INPP5A: variants seen among roughly 807,000 people sequenced by gnomAD.
INPP5A encodes 43 kDa inositol polyphosphate 5-phophatase.
Under a neutral mutation model 65.2 loss-of-function variants are expected in INPP5A, and 14 were observed. The ratio of observed to expected loss-of-function variants is 0.21; its 90% CI spans 0.14 to 0.34. INPP5A has a LOEUF of 0.34. INPP5A is among the 10% of genes least tolerant of loss of function. The probability of loss-of-function intolerance (pLI) is 1.00; values close to 1 mark genes in which losing one functional copy is unlikely to be tolerated. For missense variants in INPP5A, 431 were observed against 545.6 expected (o/e 0.79, Z 2.09); for synonymous variants, 207 against 208.3 (o/e 0.99, Z 0.05).
At chr10:132,736,823 C>A (rs1245243453) in intron 9 of INPP5A, among the ~76,000 whole-genome samples, 1 of 152,258 alleles carries the variant, frequency 6.6e-6, no homozygotes, top group Non-Finnish European at 1.5e-5. Flanking sequence ...CCCCCACAGC[C>A]CCACAGACTC....
In INPP5A at chr10:132,607,923, C is replaced by T. The variant is rs755654794; in HGVS notation, c.84C>T (p.Asn28=). 14 of 1,610,574 alleles carry T rather than the reference C, an allele frequency of 8.7e-6. No homozygotes were observed. In the East Asian group the frequency reaches 3.1e-4, roughly 36 times the overall value. Residue 28 remains asparagine, a synonymous_variant, in exon 2 of 16, where the codon AAC becomes AAT. Coordinates refer to ENST00000368594, the MANE Select transcript of INPP5A (RefSeq NM_005539.5). ...TTCTTCTTAATTTACAGCCAGAAAA[C>T]CTGCAGAAGAACTGGCTTCGGGAAT... The part of the protein sequence containing the change: ...NVGSLFDDPE[N]LQKNWLREFY...
intron 3 of INPP5A, among the ~76,000 whole-genome samples, chr10:132,646,885 A>G (rs539605141): frequency 6.6e-6 from 1 of 152,226 alleles, no homozygotes; most frequent in East Asian, 1.9e-4. Context: ...CGATGCAGCC[A>G]CCCGGAGTCG....
In INPP5A at chr10:132,587,484, C is replaced by T. The variant is rs2071559367; in HGVS notation, c.76-20431C>T. On this transcript the variant is annotated intron_variant, in intron 1 of 15. Coordinates refer to ENST00000368594, the MANE Select transcript of INPP5A (RefSeq NM_005539.5). The surrounding 1 kb of genome is among the most constrained non-coding windows in gnomAD (Gnocchi z 4.3). ...TGACGGGGAAAGGATGCGGCCATAC[C>T]AGACGGAACCTTTGTCCACAGGGTC... Among the ~76,000 whole-genome samples, 1 of 152,192 alleles carries T rather than the reference C, an allele frequency of 6.6e-6. No homozygotes were observed. The highest frequency in any genetic ancestry group is 1.5e-5 in the Non-Finnish European group (1 of 68,032).
At chr10:132,680,931 C>T (rs2073034602) in intron 4 of INPP5A, among the ~76,000 whole-genome samples, 1 of 152,236 alleles carries the variant, frequency 6.6e-6, no homozygotes, top group Non-Finnish European at 1.5e-5. Flanking sequence ...GCCTGAGCCT[C>T]CCACCCGCTC....
At chr10:132,579,918 G>GT (rs35846779) in intron 1 of INPP5A, among the ~76,000 whole-genome samples, 62,695 of 141,602 alleles carry the variant, frequency 0.44, 14,056 homozygotes, top group East Asian at 0.53. Flanking sequence ...CTGTTTAAAA[G>GT]TTTTTTTTTT....
In INPP5A at chr10:132,771,567, C is replaced by T. The variant is rs186391631; in HGVS notation, c.977+5721C>T. On this transcript the variant is annotated intron_variant, in intron 12 of 15. Transcript: ENST00000368594. ...CCCACAGGGGGCCACACGCCAACTC[C>T]AGAACTGCCCAAAACTTGGAAGTAT... Among the ~76,000 whole-genome samples the T allele has an allele frequency of 2.4e-3, 371 of 152,402 alleles. 2 individuals carry two copies. Among genetic ancestry groups the T allele is most frequent in the African/African-American group, 8.5e-3 (352 of 41,598 alleles).
intron 8 of INPP5A, among the ~76,000 whole-genome samples, chr10:132,723,792 A>G (rs996019672): frequency 5.3e-5 from 8 of 151,922 alleles, no homozygotes; most frequent in African/African-American, 1.9e-4. Flanking sequence ...CTCCCTCGGG[A>G]GCCTCTGTGC....
intron 8 of INPP5A, among the ~76,000 whole-genome samples, chr10:132,719,868 G>T (rs1378633164): frequency 4.0e-5 from 6 of 150,398 alleles, no homozygotes; most frequent in African/African-American, 1.5e-4. Context: ...GGTTCTGTCT[G>T]GGCGCCTTAG....
At chr10:132,662,408 G>A (rs2072748544) in intron 4 of INPP5A, among the ~76,000 whole-genome samples, 1 of 152,232 alleles carries the variant, frequency 6.6e-6, no homozygotes, top group Admixed American at 6.5e-5. Context: ...CAGCAGGTGA[G>A]TGGGAACAGG....
chr10:132,659,980 C>G lies in INPP5A; in HGVS notation c.306+9475C>G, dbSNP rs922846368. ...ACTCCCTGTGACATGGCACATGACA[C>G]GTGACACAACACATTCTCATGCTCC... is the stretch of plus-strand genomic sequence containing the variant. On this transcript the variant is annotated intron_variant, in intron 4 of 15. Transcript: ENST00000368594. This position sits in a 1 kb window ranked among gnomAD's most constrained non-coding sequence, Gnocchi z 5.5. Among the ~76,000 whole-genome samples, 2 of 152,266 alleles carry G rather than the reference C, an allele frequency of 1.3e-5. No homozygotes were observed. The highest frequency in any genetic ancestry group is 2.9e-5 in the Non-Finnish European group (2 of 68,042).
intron 8 of INPP5A, among the ~76,000 whole-genome samples, chr10:132,726,480 G>A (rs574480086): frequency 2.6e-5 from 4 of 152,254 alleles, no homozygotes; most frequent in South Asian, 2.1e-4. Context: ...GCCCTTTCCC[G>A]TTCTCGGGGC....
At chr10:132,543,686 G>C (rs1315882193) in intron 1 of INPP5A, among the ~76,000 whole-genome samples, 1 of 152,254 alleles carries the variant, frequency 6.6e-6, no homozygotes, top group Admixed American at 6.5e-5. Flanking sequence ...CCAAAGTGCT[G>C]GGCTTACAGG....
chr10:132,701,971 C>T (rs1235288431), intron 6 of INPP5A, among the ~76,000 whole-genome samples: 1 of 152,238 alleles, frequency 6.6e-6, no homozygotes, highest in Non-Finnish European at 1.5e-5. Context: ...GTGCATGGGA[C>T]GCCCTCTGTG....
In INPP5A at chr10:132,659,217, C is replaced by T. The variant is rs939847129; in HGVS notation, c.306+8712C>T. Among the ~76,000 whole-genome samples, 1 of 152,208 alleles carries T rather than the reference C, an allele frequency of 6.6e-6. No homozygotes were observed. Among genetic ancestry groups the T allele is most frequent in the Non-Finnish European group, 1.5e-5 (1 of 68,030 alleles). The stretch of plus-strand genomic sequence containing the variant: ...GAGGCACAGGGGTTCAGATTGAGGC[C>T]TGGGGCTGAGGAAGCAGGAAGTCCT... On this transcript the variant is annotated intron_variant, in intron 4 of 15. Transcript: ENST00000368594. The surrounding 1 kb of genome is among the most constrained non-coding windows in gnomAD (Gnocchi z 5.5).
chr10:132,666,085 A>T (rs2072798132), intron 4 of INPP5A, among the ~76,000 whole-genome samples: 1 of 151,508 alleles, frequency 6.6e-6, no homozygotes, highest in Non-Finnish European at 1.5e-5. Flanking sequence ...AGAATGATAT[A>T]ACCACATTAG....
At chr10:132,668,810 A>G (rs987894785) in intron 4 of INPP5A, among the ~76,000 whole-genome samples, 1 of 152,104 alleles carries the variant, frequency 6.6e-6, no homozygotes, top group Non-Finnish European at 1.5e-5. Context: ...GGTTTGGTCC[A>G]TTTCTGTGGC....
chr10:132,708,747 A>G (rs1845583193), intron 7 of INPP5A, among the ~76,000 whole-genome samples: 1 of 152,252 alleles, frequency 6.6e-6, no homozygotes, highest in African/African-American at 2.4e-5. Flanking sequence ...AGCCTGGTCC[A>G]TCAGCAGACT....
intron 1 of INPP5A, among the ~76,000 whole-genome samples, chr10:132,572,097 A>T (rs946258373): frequency 6.6e-6 from 1 of 152,230 alleles, no homozygotes; most frequent in African/African-American, 2.4e-5. Context: ...TTGACAGCTC[A>T]TGTCTGGCAC....
chr10:132,648,384 T>A (rs969221595), intron 3 of INPP5A, among the ~76,000 whole-genome samples: 1 of 152,274 alleles, frequency 6.6e-6, no homozygotes, highest in African/African-American at 2.4e-5. Context: ...TACAGCGTTA[T>A]GATTTTTGCT....
Sources: allele counts gnomAD v4.1 joint callset (sites outside exome capture counted in the v4.1 genomes callset), GRCh38; gene constraint gnomAD v4.1.1; non-coding constraint Gnocchi (gnomAD v3.1); transcripts MANE v1.5; gene names NCBI Gene and HGNC (gene_info 2026-07-23, HGNC 2026-07-21).